The following KCNT2 variants were observed in gnomAD, a reference collection of about 807,000 sequenced individuals.
The protein encoded by KCNT2 is potassium sodium-activated channel subfamily T member 2.
Under a neutral mutation model 153.8 loss-of-function variants are expected in KCNT2, and 67 were observed. The ratio of observed to expected loss-of-function variants is 0.44; its 90% CI spans 0.36 to 0.53. KCNT2 has a LOEUF of 0.53. KCNT2 is among the 20% of genes least tolerant of loss of function. The probability of loss-of-function intolerance (pLI) is 0.00; values close to 1 mark genes in which losing one functional copy is unlikely to be tolerated. For missense variants in KCNT2, 975 were observed against 1,354.8 expected (o/e 0.72, Z 4.40); for synonymous variants, 500 against 458.8 (o/e 1.09, Z -1.15).
rs935089956 is a variant in KCNT2, at chr1:196,371,516, T to C, written c.1403+1624A>G. On this transcript the variant is annotated intron_variant, in intron 14 of 27. Coordinates refer to ENST00000294725, the MANE Select transcript of KCNT2 (RefSeq NM_198503.5). ...GTATAGTATGTAAGTTTTATTTCAA[T>C]AAATCTACTATAAGAAGTTATTATG... Among the ~76,000 whole-genome samples, 5 of 152,198 alleles carry C rather than the reference T, an allele frequency of 3.3e-5. No homozygotes were observed. The East Asian group carries it at 9.7e-4, about 29-fold the overall frequency.
chr1:196,388,710 T>G (rs1670219712), intron 13 of KCNT2, among the ~76,000 whole-genome samples: 1 of 151,710 alleles, frequency 6.6e-6, no homozygotes, highest in Non-Finnish European at 1.5e-5. Flanking sequence ...CATAGAAAAA[T>G]AAAATTGATT....
chr1:196,511,498 T>G (rs1371095211), intron 1 of KCNT2, among the ~76,000 whole-genome samples: 1 of 152,118 alleles, frequency 6.6e-6, no homozygotes, highest in Non-Finnish European at 1.5e-5. Flanking sequence ...CGGAGCGGTA[T>G]GGAAGGGGAG....
intron 8 of KCNT2, among the ~76,000 whole-genome samples, chr1:196,430,740 A>G (rs528314802): frequency 6.6e-6 from 1 of 152,234 alleles, no homozygotes; most frequent in Admixed American, 6.6e-5. Flanking sequence ...GATGTCCTCA[A>G]ATTAGAAATG....
chr1:196,513,220 C>G (rs148243890), intron 1 of KCNT2, among the ~76,000 whole-genome samples: 47 of 152,282 alleles, frequency 3.1e-4, no homozygotes, highest in African/African-American at 1.0e-3. Flanking sequence ...TTGCTTATAA[C>G]TGTATGCTCA....
chr1:196,537,847 G>A (rs1419617600), intron 1 of KCNT2, among the ~76,000 whole-genome samples: 1 of 152,170 alleles, frequency 6.6e-6, no homozygotes, highest in Non-Finnish European at 1.5e-5. Flanking sequence ...TCTCTCGTGG[G>A]GGCGGGGGAG....
intron 26 of KCNT2, among the ~76,000 whole-genome samples, chr1:196,253,945 T>C (rs1656228517): frequency 6.6e-6 from 1 of 151,556 alleles, no homozygotes; most frequent in African/African-American, 2.4e-5. Flanking sequence ...AGATTAAATA[T>C]ATGTATAAGT....
chr1:196,484,097 G>T (rs1401779788), intron 3 of KCNT2, among the ~76,000 whole-genome samples: 1 of 152,096 alleles, frequency 6.6e-6, no homozygotes, highest in Non-Finnish European at 1.5e-5. Context: ...TGTCAAGTAG[G>T]TAGCAATCTC....
At position 196,227,151 on chromosome 1, in the gene KCNT2, T is replaced by C. The variant is rs956358746; in HGVS notation, c.*1073A>G. The stretch of plus-strand genomic sequence containing the variant: ...TCATAATGTTAAAGTATAGCTCATA[T>C]ATACGATTTCAAAATTAAGTCAAAA... On this transcript the variant is annotated 3_prime_UTR_variant, in exon 28 of 28. Transcript: ENST00000294725. The C allele has an allele frequency of 3.3e-5, 5 of 152,058 alleles. No homozygotes were observed. The highest frequency in any genetic ancestry group is 7.4e-5 in the Non-Finnish European group (5 of 67,900). 9.4% of individuals were successfully genotyped at this position (152,058 alleles called of 1,614,324 possible). A position where few individuals can be genotyped will look rare whatever the true frequency, so the allele number is the denominator to read the frequency against.
At chr1:196,294,546 T>C (rs1366206569) in intron 22 of KCNT2, among the ~76,000 whole-genome samples, 3 of 152,122 alleles carry the variant, frequency 2.0e-5, no homozygotes, top group Non-Finnish European at 4.4e-5. Flanking sequence ...AGTGCTGGGA[T>C]TACAGGCATG....
chr1:196,376,815 C>T (rs1669006326), intron 13 of KCNT2, among the ~76,000 whole-genome samples: 1 of 151,828 alleles, frequency 6.6e-6, no homozygotes, highest in Non-Finnish European at 1.5e-5. Flanking sequence ...ACTTTCTGAC[C>T]CGCTTCCTCA....
At chr1:196,237,970 A>G (rs1654592283) in intron 26 of KCNT2, among the ~76,000 whole-genome samples, 1 of 151,886 alleles carries the variant, frequency 6.6e-6, no homozygotes, top group African/African-American at 2.4e-5. Context: ...TTGAATTTCT[A>G]CAACTGTTGT....
chr1:196,408,265 TCC>T (rs1671998789), intron 12 of KCNT2, among the ~76,000 whole-genome samples: 1 of 151,544 alleles, frequency 6.6e-6, no homozygotes, highest in Non-Finnish European at 1.5e-5. Context: ...AGAAAAACCT[TCC>T]ACTCCTGCAT....
intron 1 of KCNT2, among the ~76,000 whole-genome samples, chr1:196,584,699 A>G (rs1662465974): frequency 6.6e-6 from 1 of 152,144 alleles, no homozygotes; most frequent in South Asian, 2.1e-4. Flanking sequence ...CAACTTTTAT[A>G]TCAGATTTTA....
intron 1 of KCNT2, among the ~76,000 whole-genome samples, chr1:196,494,647 A>AT (rs2148742097): frequency 6.6e-6 from 1 of 152,196 alleles, no homozygotes; most frequent in South Asian, 2.1e-4. Context: ...GCAGAGGAGC[A>AT]TTTTTTAACT....
chr1:196,465,030 C>T (rs1274227747), intron 8 of KCNT2, among the ~76,000 whole-genome samples: 1 of 151,952 alleles, frequency 6.6e-6, no homozygotes, highest in East Asian at 1.9e-4. Flanking sequence ...TATAAATTCT[C>T]ATAGTTTGGC....
intron 1 of KCNT2, among the ~76,000 whole-genome samples, chr1:196,574,605 A>C (rs188625255): frequency 8.5e-4 from 130 of 152,078 alleles, no homozygotes; most frequent in African/African-American, 3.0e-3. Flanking sequence ...TTGTTTTTCT[A>C]AGGGAAATAA....
At chr1:196,422,462 T>A (rs921158531) in intron 12 of KCNT2, among the ~76,000 whole-genome samples, 5 of 152,032 alleles carry the variant, frequency 3.3e-5, no homozygotes, top group South Asian at 4.1e-4. Context: ...TAAAAAATTT[T>A]AAATATAATT....
Position 196,429,572 on chromosome 1 carries a change from T to A in KCNT2, c.819+5A>T, listed in dbSNP as rs1222700253. 6.3e-7 allele frequency: 1 copy of A among 1,590,674 alleles called. No individual in the cohort carries two copies. Among genetic ancestry groups the A allele is most frequent in the East Asian group, 2.2e-5 (1 of 44,564 alleles). ...TTCTATGCAATATAAGATGGTTTTG[T>A]TTACCTGTATGGGTAGAACCACAAG... is the stretch of plus-strand genomic sequence containing the variant. On this transcript the variant is annotated splice_donor_5th_base_variant and intron_variant, in intron 9 of 27. Coordinates refer to ENST00000294725, the MANE Select transcript of KCNT2 (RefSeq NM_198503.5).
At chr1:196,606,092 C>A (rs959900135) in intron 1 of KCNT2, among the ~76,000 whole-genome samples, 1 of 152,116 alleles carries the variant, frequency 6.6e-6, no homozygotes, top group Non-Finnish European at 1.5e-5. Flanking sequence ...AAGAACATAC[C>A]GCACAGTTAA....
Sources: gnomAD v4.1 joint callset for allele counts (sites outside exome capture counted in the v4.1 genomes callset) on GRCh38, gnomAD v4.1.1 for gene constraint, MANE v1.5 for transcripts, NCBI Gene and HGNC (gene_info 2026-07-23, HGNC 2026-07-21) for gene names.